DIP2C: variants seen among roughly 807,000 people sequenced by gnomAD.
The protein encoded by DIP2C is disco-interacting protein 2 homolog C.
A neutral mutation model predicts 192.4 loss-of-function variants in DIP2C; 33 were observed. The observed-to-expected ratio is 0.17, with a 90% CI of 0.13 to 0.23. DIP2C has a LOEUF of 0.23. Among genes scored for constraint, DIP2C ranks in the 10% least tolerant of loss-of-function variants. The probability of loss-of-function intolerance (pLI) is 1.00; values close to 1 mark genes in which losing one functional copy is unlikely to be tolerated. For synonymous variants in DIP2C, 979 were observed against 864.1 expected (o/e 1.13, Z -2.33); for missense variants, 1,537 against 2,110.1 (o/e 0.73, Z 5.32).
chr10:542,686 T>C (rs1453643751), intron 1 of DIP2C, among the ~76,000 whole-genome samples: 1 of 152,194 alleles, frequency 6.6e-6, no homozygotes, highest in Non-Finnish European at 1.5e-5. Flanking sequence ...AGTGGGGGGT[T>C]CTGACCCTGT....
At chr10:333,341 C>T (rs917128539) in intron 29 of DIP2C, among the ~76,000 whole-genome samples, 1 of 152,220 alleles carries the variant, frequency 6.6e-6, no homozygotes, top group African/African-American at 2.4e-5. Context: ...TTCCCATCAC[C>T]TGAAAGGGAT....
At chr10:650,716 G>A in intron 1 of DIP2C, 1 of 632,034 alleles carries the variant, frequency 1.6e-6, no homozygotes, top group Non-Finnish European at 2.9e-6. Flanking sequence ...TGGCCAGAGT[G>A]CTCTGGGCCG....
At position 363,397 on chromosome 10, in the gene DIP2C, C is replaced by G; in HGVS notation, c.2478-86G>C. The G allele has an allele frequency of 1.8e-6, 2 of 1,139,322 alleles. No homozygotes were observed. The highest frequency in any genetic ancestry group is 2.4e-5 in the East Asian group (1 of 41,182). 70.6% of individuals were successfully genotyped at this position (1,139,322 alleles called of 1,614,324 possible). A position where few individuals can be genotyped will look rare whatever the true frequency, so the allele number is the denominator to read the frequency against. On this transcript the variant is annotated intron_variant, in intron 20 of 36. Transcript: ENST00000280886. The surrounding 1 kb of genome is among the most constrained non-coding windows in gnomAD (Gnocchi z 5.4). ...GCCATCAGGGGCTCCATAACCATCA[C>G]TAGTGAGTGACACAGCTCCAACTAC...
At chr10:643,652 TCA>T (rs1855314462) in intron 1 of DIP2C, among the ~76,000 whole-genome samples, 1 of 152,226 alleles carries the variant, frequency 6.6e-6, no homozygotes, top group African/African-American at 2.4e-5. Context: ...ACTACTCGAA[TCA>T]CAGAGGCTGA....
intron 1 of DIP2C, among the ~76,000 whole-genome samples, chr10:579,032 C>T (rs1299409359): frequency 6.6e-6 from 1 of 151,986 alleles, no homozygotes; most frequent in Admixed American, 6.5e-5. Flanking sequence ...TACATACATC[C>T]AGACCCAGTG....
At chr10:328,143 C>T (rs1006170266) in intron 30 of DIP2C, among the ~76,000 whole-genome samples, 4 of 152,194 alleles carry the variant, frequency 2.6e-5, no homozygotes, top group East Asian at 1.9e-4. Context: ...GCAAGGAGGA[C>T]GCACAGCTCG....
At chr10:521,838 CG>C (rs1846726268) in intron 1 of DIP2C, among the ~76,000 whole-genome samples, 1 of 152,110 alleles carries the variant, frequency 6.6e-6, no homozygotes, top group Non-Finnish European at 1.5e-5. Flanking sequence ...AGAGTCCTCA[CG>C]TATCTCCTTC....
In DIP2C at chr10:613,118, C is replaced by A. The variant is rs117861585; in HGVS notation, c.85+76376G>T. ...AAGGAGAGCTACAGGCTGACTGCCT[C>A]GTCTGCAAAAAACAGTCACTCATTT... On this transcript the variant is annotated intron_variant, in intron 1 of 36. Coordinates refer to ENST00000280886, the MANE Select transcript of DIP2C (RefSeq NM_014974.3). 9.2e-3 allele frequency among the ~76,000 whole-genome samples: 1,395 copies of A among 152,126 alleles called. 50 individuals are homozygous for A. Among genetic ancestry groups the A allele is most frequent in the East Asian group, 0.075 (387 of 5,182 alleles).
chr10:392,540 C>T (rs891075243), intron 10 of DIP2C, among the ~76,000 whole-genome samples: 4 of 152,210 alleles, frequency 2.6e-5, no homozygotes, highest in African/African-American at 9.6e-5. Flanking sequence ...GCTGGGCCTG[C>T]TGCTCCTCCG....
chr10:382,186 T>A (rs1481078888), intron 17 of DIP2C, among the ~76,000 whole-genome samples: 1 of 152,152 alleles, frequency 6.6e-6, no homozygotes, highest in Non-Finnish European at 1.5e-5. Flanking sequence ...TCAAAAAATA[T>A]GTATTAGGCA....
chr10:562,763 T>TA (rs1849287120), intron 1 of DIP2C, among the ~76,000 whole-genome samples: 1 of 152,212 alleles, frequency 6.6e-6, no homozygotes. Flanking sequence ...ATAAATGGTC[T>TA]ACTCTAAAAT....
At chr10:352,828 G>A (rs1034791084) in intron 24 of DIP2C, among the ~76,000 whole-genome samples, 2 of 152,142 alleles carry the variant, frequency 1.3e-5, no homozygotes, top group African/African-American at 4.8e-5. Context: ...ACACCACACG[G>A]CAACTCCACA....
intron 32 of DIP2C, among the ~76,000 whole-genome samples, chr10:308,675 G>C (rs1340499290): frequency 1.3e-5 from 2 of 152,210 alleles, no homozygotes; most frequent in Non-Finnish European, 2.9e-5. Context: ...GGCCTTGGGG[G>C]CAGGCGTTGC....
In DIP2C at chr10:535,021, C is replaced by T. The variant is rs1847619406; in HGVS notation, c.86-48491G>A. Among the ~76,000 whole-genome samples the T allele has an allele frequency of 2.6e-5, 4 of 152,272 alleles. No homozygotes were observed. In the South Asian group the frequency reaches 6.2e-4, roughly 24 times the overall value. On this transcript the variant is annotated intron_variant, in intron 1 of 36. Coordinates refer to ENST00000280886, the MANE Select transcript of DIP2C (RefSeq NM_014974.3). ...TAGGTACTCTTAAGAGCTCGGTGTACACAACAGACAAGAAGTCAGCCTGGG... is the reference window on the plus strand; with the variant it reads ...TAGGTACTCTTAAGAGCTCGGTGTATACAACAGACAAGAAGTCAGCCTGGG...
intron 29 of DIP2C, among the ~76,000 whole-genome samples, chr10:339,940 C>T (rs1027645465): frequency 1.3e-5 from 2 of 152,076 alleles, no homozygotes; most frequent in Admixed American, 1.3e-4. Context: ...CGGTGGCGCA[C>T]GAGGGCGAGG....
At position 275,017 on chromosome 10, in the gene DIP2C, C is replaced by CT. The variant is rs1316797157; in HGVS notation, c.*2307dup. The CT allele has an allele frequency of 3.9e-5, 6 of 152,242 alleles. No individual in the cohort carries two copies. Among genetic ancestry groups the CT allele is most frequent in the East Asian group, 3.8e-4 (2 of 5,202 alleles). 9.4% of individuals were successfully genotyped at this position (152,242 alleles called of 1,614,324 possible). ...CCACCAACTCTTTTGAGCCTAAACT[C>CT]TAACTAATCAGAGTTGACAGGATGC... On this transcript the variant is annotated 3_prime_UTR_variant, in exon 37 of 37. Transcript: ENST00000280886.
intron 1 of DIP2C, among the ~76,000 whole-genome samples, chr10:528,368 G>A (rs974685623): frequency 1.2e-4 from 11 of 91,158 alleles, no homozygotes; most frequent in African/African-American, 1.7e-4. Context: ...CACCCAGAAC[G>A]CAGACCGCCC....
At chr10:466,679 A>G (rs934344428) in intron 3 of DIP2C, among the ~76,000 whole-genome samples, 1 of 151,502 alleles carries the variant, frequency 6.6e-6, no homozygotes, top group African/African-American at 2.4e-5. Flanking sequence ...CAATGAACTC[A>G]AACAAATTTA....
intron 1 of DIP2C, among the ~76,000 whole-genome samples, chr10:684,509 A>G (rs558681216): frequency 3.3e-5 from 5 of 152,310 alleles, no homozygotes; most frequent in African/African-American, 1.2e-4. Flanking sequence ...ATTTCTTTTC[A>G]ATGAAAATAA....
Sources: gnomAD v4.1 joint callset for allele counts (sites outside exome capture counted in the v4.1 genomes callset) on GRCh38, gnomAD v4.1.1 for gene constraint, Gnocchi (gnomAD v3.1) non-coding constraint, MANE v1.5 for transcripts, NCBI Gene and HGNC (gene_info 2026-07-23, HGNC 2026-07-21) for gene names.